The following SLC13A4 variants were observed in gnomAD, a reference collection of about 807,000 sequenced individuals.
The protein encoded by SLC13A4 is solute carrier family 13 member 4, also known as Na(+)/sulfate cotransporter SUT-1.
SLC13A4 carries 28 observed loss-of-function variants against 72.7 expected under a neutral mutation model. That is an observed-to-expected ratio of 0.39 (90% CI 0.29 to 0.53). The LOEUF is 0.53. SLC13A4 is among the 20% of genes least tolerant of loss of function. The probability of loss-of-function intolerance (pLI) is 0.78; values close to 1 mark genes in which losing one functional copy is unlikely to be tolerated. For missense variants in SLC13A4, 653 were observed against 788.0 expected (o/e 0.83, Z 2.05); for synonymous variants, 312 against 325.5 (o/e 0.96, Z 0.45).
rs201164085 is a variant in SLC13A4, at chr7:135,706,162, C to T, written c.504G>A (p.Ala168=). 29 of 1,606,962 alleles carry T rather than the reference C, an allele frequency of 1.8e-5. No individual in the cohort carries two copies. The highest frequency in any genetic ancestry group is 1.7e-4 in the Middle Eastern group (1 of 6,034). Residue 168 remains alanine, a synonymous_variant, in exon 4 of 16, where the codon GCG becomes GCA. Coordinates refer to ENST00000682651, the MANE Select transcript of SLC13A4 (RefSeq NM_001318192.2). ...LVSAEDEQLV[A]GNSNTEEAEP... ...CGGCCTCTTCGGTGTTGGAGTTGCC[C>T]GCCACGAGCTGCTCGTCCTCAGCAC...
At chr7:135,682,763 ACTT>A (rs1584711782) in intron 15 of SLC13A4, among the ~76,000 whole-genome samples, 1 of 152,230 alleles carries the variant, frequency 6.6e-6, no homozygotes. Flanking sequence ...AGACTGGCTC[ACTT>A]CTTGTCACCT....
chr7:135,692,327 C>G lies in SLC13A4; in HGVS notation c.1219G>C (p.Glu407Gln). ...GGAGGAAATGATATCACTTACTTTTCAAAGAAAGAATCCCAGCCAGGGACA... is the reference window on the plus strand; with the variant it reads ...GGAGGAAATGATATCACTTACTTTTGAAAGAAAGAATCCCAGCCAGGGACA... Reference protein sequence around the residue: ...GFVPGWDSFFEKKGYRTDATV... With the variant: ...GFVPGWDSFFQKKGYRTDATV... The change falls in exon 11 of 16, where the codon GAA (glutamate) becomes CAA (glutamine). Residue 407 changes from glutamate to glutamine, a missense_variant. Glu to Gln is a conservative substitution (Grantham distance 29). Coordinates refer to ENST00000682651, the MANE Select transcript of SLC13A4 (RefSeq NM_001318192.2). The G allele has an allele frequency of 6.2e-7, 1 of 1,610,902 alleles. No individual in the cohort carries two copies. The highest frequency in any genetic ancestry group is 8.5e-7 in the Non-Finnish European group (1 of 1,177,206).
chr7:135,694,961 C>A (rs1795869099), intron 9 of SLC13A4, among the ~76,000 whole-genome samples: 1 of 152,200 alleles, frequency 6.6e-6, no homozygotes, highest in Non-Finnish European at 1.5e-5. Context: ...GTATAAATCA[C>A]CCATGCCTAT....
At chr7:135,691,173 C>T in intron 13 of SLC13A4, 28 bp downstream of exon 13, 1 of 1,506,304 alleles carries the variant, frequency 6.6e-7, no homozygotes. Flanking sequence ...AAAAAAAAAA[C>T]CCCAAAAAAA....
intron 2 of SLC13A4, 25 bp downstream of exon 2, chr7:135,721,370 G>C (rs777391871): frequency 2.5e-6 from 4 of 1,612,940 alleles, no homozygotes; most frequent in East Asian, 4.5e-5. Flanking sequence ...ACCCAGGCAG[G>C]GGGTGGGGCT....
At chr7:135,714,244 C>G (rs187819274) in intron 2 of SLC13A4, among the ~76,000 whole-genome samples, 1 of 152,252 alleles carries the variant, frequency 6.6e-6, no homozygotes, top group East Asian at 1.9e-4. Flanking sequence ...GTAGAGAGAC[C>G]CAGATGGGTG....
At chr7:135,681,775 C>A in intron 15 of SLC13A4, 75 bp from the exon 16 acceptor site, 1 of 1,561,718 alleles carries the variant, frequency 6.4e-7, no homozygotes, top group African/African-American at 1.3e-5. Context: ...CCCTTCTGTT[C>A]CTGCAGCCTA....
chr7:135,696,493 C>T (rs1439800173), intron 8 of SLC13A4, among the ~76,000 whole-genome samples: 2 of 152,108 alleles, frequency 1.3e-5, no homozygotes, highest in Non-Finnish European at 2.9e-5. Flanking sequence ...GGATTACATA[C>T]AGGAGCACAC....
At chr7:135,687,849 C>T (rs1397402003) in intron 13 of SLC13A4, among the ~76,000 whole-genome samples, 1 of 152,174 alleles carries the variant, frequency 6.6e-6, no homozygotes, top group Non-Finnish European at 1.5e-5. Flanking sequence ...TGTGCTCTGT[C>T]ACCCAAGCTG....
At chr7:135,721,853 A>G (rs1195800515) in intron 1 of SLC13A4, among the ~76,000 whole-genome samples, 1 of 152,210 alleles carries the variant, frequency 6.6e-6, no homozygotes, top group African/African-American at 2.4e-5. Flanking sequence ...TCACAAAACC[A>G]TACAAGTGGA....
intron 10 of SLC13A4, chr7:135,693,530 A>G (rs2129494137): frequency 6.6e-6 from 1 of 152,330 alleles, no homozygotes; most frequent in East Asian, 1.9e-4. Flanking sequence ...TATTCCTTTT[A>G]TAACTTAAAG....
At chr7:135,690,629 G>A (rs1795761138) in intron 13 of SLC13A4, among the ~76,000 whole-genome samples, 1 of 152,156 alleles carries the variant, frequency 6.6e-6, no homozygotes, top group Non-Finnish European at 1.5e-5. Context: ...CCTTTTGCTT[G>A]TAGCAGCATG....
chr7:135,725,986 T>A (rs1796648729), intron 1 of SLC13A4, among the ~76,000 whole-genome samples: 1 of 151,922 alleles, frequency 6.6e-6, no homozygotes, highest in Admixed American at 6.6e-5. Flanking sequence ...AAAAGTTTGA[T>A]GAAAGGGGTG....
chr7:135,705,929 A>T, intron 4 of SLC13A4, 199 bp downstream of exon 4: 1 of 565,868 alleles, frequency 1.8e-6, no homozygotes, highest in Non-Finnish European at 3.1e-6. Flanking sequence ...GAGCCAGAAC[A>T]GGGAGTTCAG....
At chr7:135,710,320 C>G (rs1011018825) in intron 2 of SLC13A4, among the ~76,000 whole-genome samples, 1 of 152,042 alleles carries the variant, frequency 6.6e-6, no homozygotes, top group African/African-American at 2.4e-5. Flanking sequence ...AAAATCTTCC[C>G]GGGAGGCAGA....
At chr7:135,688,984 C>CA (rs1394342258) in intron 13 of SLC13A4, 1 of 151,962 alleles carries the variant, frequency 6.6e-6, no homozygotes, top group Non-Finnish European at 1.5e-5. Flanking sequence ...CTCCTGGGCT[C>CA]AAGCGATCCT....
At chr7:135,694,364 C>T in intron 9 of SLC13A4, 126 bp from the exon 10 acceptor site, 1 of 622,418 alleles carries the variant, frequency 1.6e-6, no homozygotes, top group Non-Finnish European at 2.8e-6. Context: ...CATGCTCTAT[C>T]CCTCTATCCC....
intron 15 of SLC13A4, among the ~76,000 whole-genome samples, chr7:135,683,157 G>A (rs1795541688): frequency 6.6e-6 from 1 of 151,588 alleles, no homozygotes. Flanking sequence ...AAATTAGCTG[G>A]GCATGGAGGC....
At chr7:135,725,245 G>A (rs771113219) in intron 1 of SLC13A4, among the ~76,000 whole-genome samples, 7 of 152,220 alleles carry the variant, frequency 4.6e-5, no homozygotes, top group Non-Finnish European at 1.0e-4. Context: ...GCGTGGAACT[G>A]CTCGTTTTCC....
Sources: gnomAD v4.1 joint callset for allele counts (sites outside exome capture counted in the v4.1 genomes callset) on GRCh38, gnomAD v4.1.1 for gene constraint, MANE v1.5 for transcripts, NCBI Gene and HGNC (gene_info 2026-07-23, HGNC 2026-07-21) for gene names.